The following PLEKHA7 variants were observed in gnomAD, a reference collection of about 807,000 sequenced individuals.
PLEKHA7 encodes the protein pleckstrin homology domain-containing family A member 7.
In PLEKHA7, 104 loss-of-function variants were observed where a neutral mutation model predicts 170.0. The observed-to-expected ratio is 0.61, with a 90% CI of 0.52 to 0.72. The LOEUF is 0.72. Among genes scored for constraint, PLEKHA7 ranks in the 30% least tolerant of loss-of-function variants. The pLI is 0.00. For synonymous variants in PLEKHA7, 648 were observed against 660.8 expected, an observed-to-expected ratio of 0.98 and a Z score of 0.30; for missense variants, 1,615 against 1,671.7, an observed-to-expected ratio of 0.97 and a Z score of 0.59.
intron 3 of PLEKHA7, among the ~76,000 whole-genome samples, chr11:16,908,825 C>T (rs555490333): frequency 6.6e-6 from 1 of 152,318 alleles, no homozygotes; most frequent in East Asian, 1.9e-4. Flanking sequence ...ATTAATGCTA[C>T]CCAGCCTGTG....
At chr11:17,013,212 C>G (rs1468898046) in intron 3 of PLEKHA7, 4 of 152,442 alleles carry the variant, frequency 2.6e-5, no homozygotes, top group African/African-American at 7.2e-5. Flanking sequence ...CCTGTACTGG[C>G]ATAGGAGCCT....
chr11:16,802,794 C>T (rs567745268), intron 15 of PLEKHA7, among the ~76,000 whole-genome samples, 178 bp downstream of exon 15: 3 of 152,160 alleles, frequency 2.0e-5, no homozygotes, highest in Admixed American at 6.5e-5. Context: ...GATCCACCTG[C>T]CTTGGCCTTC....
At chr11:16,922,072 C>G (rs980724219) in intron 3 of PLEKHA7, among the ~76,000 whole-genome samples, 7 of 152,140 alleles carry the variant, frequency 4.6e-5, no homozygotes, top group Non-Finnish European at 1.0e-4. Flanking sequence ...TATCTGGAGG[C>G]TGGAAACAGG....
At chr11:16,975,118 G>A in intron 3 of PLEKHA7, 1 of 481,982 alleles carries the variant, frequency 2.1e-6, no homozygotes, top group African/African-American at 2.1e-5. Flanking sequence ...ATTCATGTGT[G>A]CCCCACCACA....
intron 3 of PLEKHA7, among the ~76,000 whole-genome samples, chr11:16,903,103 T>C (rs139555262): frequency 5.9e-5 from 9 of 152,344 alleles, no homozygotes; most frequent in Non-Finnish European, 1.3e-4. Context: ...TAGAGCCTAC[T>C]CCTGCACCCT....
chr11:16,782,315 C>A (rs987920541), intron 26 of PLEKHA7, among the ~76,000 whole-genome samples: 2 of 152,174 alleles, frequency 1.3e-5, no homozygotes, highest in Non-Finnish European at 2.9e-5. Flanking sequence ...AGGCAGGGGG[C>A]CAGGGAAGGC....
intron 3 of PLEKHA7, among the ~76,000 whole-genome samples, chr11:16,891,358 AT>A (rs1327470870): frequency 6.6e-6 from 1 of 152,214 alleles, no homozygotes; most frequent in African/African-American, 2.4e-5. Context: ...GATTGGAGTG[AT>A]GCCTCTATAG....
chr11:16,881,256 T>TA (rs1360116672), intron 3 of PLEKHA7: 1 of 152,224 alleles, frequency 6.6e-6, no homozygotes, highest in African/African-American at 2.4e-5. Context: ...TTCTTGTTCT[T>TA]ACCGGAAAAG....
At position 16,789,857 on chromosome 11, in the gene PLEKHA7, C is replaced by T; in HGVS notation, c.3074G>A (p.Arg1025Lys). ...AGCAATGGTGGACGACTGCTGGAGC[C>T]TTGACGTGGACCCTGAGAGCCCTTA... ...PGRGLSGSTS[R>K]LQQSSTIAPY... Residue 1025 changes from arginine to lysine, a missense_variant, in exon 22 of 27, where the codon AGG (arginine) becomes AAG (lysine). By Grantham distance (26) the Arg-to-Lys change is conservative. Transcript: ENST00000531066. The surrounding 1 kb of genome is among the most constrained non-coding windows in gnomAD (Gnocchi z 4.6). 6.2e-7 allele frequency: 1 copy of T among 1,614,126 alleles called. No homozygotes were observed. The highest frequency in any genetic ancestry group is 8.5e-7 in the Non-Finnish European group (1 of 1,179,972).
chr11:16,951,025 A>G (rs958398072), intron 3 of PLEKHA7, among the ~76,000 whole-genome samples: 1 of 152,194 alleles, frequency 6.6e-6, no homozygotes, highest in Non-Finnish European at 1.5e-5. Context: ...CCAGTCCCCA[A>G]CATCCTTCTA....
In PLEKHA7 at chr11:17,014,155, G is replaced by A; in HGVS notation, c.133C>T (p.Pro45Ser). The A allele has an allele frequency of 1.2e-6, 2 of 1,601,822 alleles. No homozygotes were observed. The highest frequency in any genetic ancestry group is 1.7e-6 in the Non-Finnish European group (2 of 1,175,576). The stretch of plus-strand genomic sequence containing the variant: ...CGGATCATGTGGCCCGAGTTGACGG[G>A]CTCCCCGGTGCGCGGATGCAGCCAG... ...TTWLHPRTGEPVNSGHMIRSD... is the reference protein window; with the variant it reads ...TTWLHPRTGESVNSGHMIRSD... Residue 45 changes from proline (P) to serine (S), a missense_variant, in exon 2 of 27, where the codon CCC (proline) becomes TCC (serine). Physicochemically the swap from Pro to Ser is moderately conservative, Grantham distance 74 (BLOSUM62 -1). Transcript: ENST00000531066.
At chr11:16,997,823 C>A (rs1439538009) in intron 3 of PLEKHA7, among the ~76,000 whole-genome samples, 1 of 152,234 alleles carries the variant, frequency 6.6e-6, no homozygotes, top group Non-Finnish European at 1.5e-5. Context: ...GCTACACCCT[C>A]TCTTCCCTCA....
At chr11:16,902,456 C>A (rs1590548301) in intron 3 of PLEKHA7, among the ~76,000 whole-genome samples, 2 of 152,342 alleles carry the variant, frequency 1.3e-5, no homozygotes, top group Middle Eastern at 6.8e-3. Context: ...ACACTTCTAC[C>A]AGCAGTGCAT....
chr11:16,822,299 T>G (rs1438995618), intron 10 of PLEKHA7, among the ~76,000 whole-genome samples: 1 of 152,128 alleles, frequency 6.6e-6, no homozygotes, highest in Non-Finnish European at 1.5e-5. Flanking sequence ...CCCCTCCTTT[T>G]ACTCTGCGTC....
chr11:17,014,280 C>G, intron 1 of PLEKHA7, 36 bp downstream of exon 1: 2 of 1,414,540 alleles, frequency 1.4e-6, no homozygotes, highest in Non-Finnish European at 1.8e-6. Flanking sequence ...CGCGCCCCCA[C>G]CCGCGTCCCC....
intron 3 of PLEKHA7, among the ~76,000 whole-genome samples, chr11:16,986,625 G>C (rs896327760): frequency 6.6e-6 from 1 of 152,150 alleles, no homozygotes; most frequent in African/African-American, 2.4e-5. Context: ...GCACACAAGT[G>C]GGGAGAAGAC....
intron 3 of PLEKHA7, among the ~76,000 whole-genome samples, chr11:16,884,058 C>A (rs1453760366): frequency 8.6e-6 from 1 of 116,410 alleles, no homozygotes; most frequent in Non-Finnish European, 2.0e-5. Context: ...CTATAACTTG[C>A]TTTTTACTTT....
At chr11:16,966,451 C>A (rs762659245) in intron 3 of PLEKHA7, among the ~76,000 whole-genome samples, 2 of 152,036 alleles carry the variant, frequency 1.3e-5, no homozygotes, top group Non-Finnish European at 2.9e-5. Context: ...CCCTGTGGAG[C>A]CCATTTCCAA....
intron 3 of PLEKHA7, among the ~76,000 whole-genome samples, chr11:16,961,624 T>C (rs1862065608): frequency 6.6e-6 from 1 of 152,194 alleles, no homozygotes; most frequent in Non-Finnish European, 1.5e-5. Context: ...ACAGAGTTGT[T>C]TCAACCTTGG....
Sources: allele counts gnomAD v4.1 joint callset (sites outside exome capture counted in the v4.1 genomes callset), GRCh38; gene constraint gnomAD v4.1.1; non-coding constraint Gnocchi (gnomAD v3.1); transcripts MANE v1.5; gene names NCBI Gene and HGNC (gene_info 2026-07-23, HGNC 2026-07-21).